Variants in PHC2 observed in about 807,000 individuals in gnomAD.
PHC2 encodes the protein polyhomeotic homolog 2.
PHC2 carries 29 observed loss-of-function variants against 87.4 expected under a neutral mutation model. The ratio of observed to expected loss-of-function variants is 0.33; its 90% confidence interval spans 0.25 to 0.45. The LOEUF (loss-of-function observed/expected upper bound fraction) is 0.45. Ranked by LOEUF, PHC2 falls within the 20% of genes least tolerant of loss-of-function variation. The pLI is 1.00. For synonymous variants in PHC2, 438 were observed against 461.7 expected, an observed-to-expected ratio of 0.95 and a Z score of 0.66; for missense variants, 857 against 1,136.7, an observed-to-expected ratio of 0.75 and a Z score of 3.54.
chr1:33,346,951 T>C, intron 9 of PHC2: 1 of 985,432 alleles, frequency 1.0e-6, no homozygotes, highest in Non-Finnish European at 1.2e-6. Context: ...GGACAGCCTA[T>C]GTAAGAGCAT....
intron 1 of PHC2, among the ~76,000 whole-genome samples, chr1:33,427,996 A>G (rs1264921889): frequency 6.6e-6 from 1 of 152,180 alleles, no homozygotes; most frequent in African/African-American, 2.4e-5. Flanking sequence ...TATGGCTTCA[A>G]TTATCACCAT....
chr1:33,402,457 A>G (rs1022435868), intron 1 of PHC2, among the ~76,000 whole-genome samples: 26 of 152,112 alleles, frequency 1.7e-4, no homozygotes, highest in African/African-American at 5.5e-4. Flanking sequence ...TCTTAGAAAA[A>G]CTCTTGCACA....
Position 33,377,648 on chromosome 1 carries a change from A to G in PHC2, c.-54-2055T>C, listed in dbSNP as rs143413204. Among the ~76,000 whole-genome samples the G allele has an allele frequency of 1.9e-3, 291 of 151,998 alleles. 1 individual carries two copies. Among genetic ancestry groups the G allele is most frequent in the African/African-American group, 6.7e-3 (279 of 41,470 alleles). ...AAAAATAATATTTGTTTGTCACCCC[A>G]TCACACACATTCAGTCATCTGCTTG... is the stretch of plus-strand genomic sequence containing the variant. On this transcript the variant is annotated intron_variant, in intron 1 of 14. Coordinates refer to ENST00000683057, the MANE Select transcript of PHC2 (RefSeq NM_001385109.1).
intron 7 of PHC2, among the ~76,000 whole-genome samples, chr1:33,357,698 G>A (rs1647117151): frequency 6.6e-6 from 1 of 152,162 alleles, no homozygotes. Flanking sequence ...TGAATAGGTC[G>A]GAATTTAACA....
intron 7 of PHC2, among the ~76,000 whole-genome samples, chr1:33,361,689 G>T (rs934512123): frequency 8.5e-5 from 13 of 152,240 alleles, no homozygotes; most frequent in Admixed American, 2.0e-4. Context: ...CTCTGAGGGA[G>T]ATAATTCTAG....
chr1:33,334,088 AC>A lies in PHC2; in HGVS notation c.1761+1del. On this transcript the variant is annotated splice_donor_variant, in intron 10 of 14. Transcript: ENST00000683057. LOFTEE classifies it high-confidence loss of function. The surrounding 1 kb of genome is among the most constrained non-coding windows in gnomAD (Gnocchi z 5.5). ...AAAAAGGGGAAAAGAAGTAGTCCGTACCGGGAAAGGCTCCGCCCCCTCCTGG... is the reference window on the plus strand; with the variant it reads ...AAAAAGGGGAAAAGAAGTAGTCCGTACGGGAAAGGCTCCGCCCCCTCCTGG... 6.3e-7 allele frequency: 1 copy of A among 1,599,746 alleles called. No homozygotes were observed. The highest frequency in any genetic ancestry group is 8.5e-7 in the Non-Finnish European group (1 of 1,175,192).
At chr1:33,355,902 G>C (rs1046477685) in intron 7 of PHC2, among the ~76,000 whole-genome samples, 4 of 152,154 alleles carry the variant, frequency 2.6e-5, no homozygotes, top group Non-Finnish European at 4.4e-5. Flanking sequence ...GTTGCTAAAA[G>C]GATGAAATGA....
Position 33,349,504 on chromosome 1 carries a change from G to A in PHC2, c.1558+4897C>T, listed in dbSNP as rs1646916026. On this transcript the variant is annotated intron_variant, in intron 9 of 14. Coordinates refer to ENST00000683057, the MANE Select transcript of PHC2 (RefSeq NM_001385109.1). This position sits in a 1 kb window ranked among gnomAD's most constrained non-coding sequence, Gnocchi z 4.2. ...GCAGCCGCGTAGGCCCGGGCCGTTA[G>A]GGGCACCGAGGGCGGTGCCCGACTT... is the stretch of plus-strand genomic sequence containing the variant. 1 of 984,932 alleles carries A rather than the reference G, an allele frequency of 1.0e-6. No individual in the cohort carries two copies. Among genetic ancestry groups the A allele is most frequent in the Non-Finnish European group, 1.2e-6 (1 of 829,714 alleles). 61.0% of individuals were successfully genotyped at this position (984,932 alleles called of 1,614,324 possible).
chr1:33,368,831 G>C lies in PHC2; in HGVS notation c.577-209C>G, dbSNP rs1647643287. ...AAGGGGGAGTCCAAGGGGAGCGCCTGCCTTTCTCTAGAGGCTCGTTGCATC... is the reference window on the plus strand; with the variant it reads ...AAGGGGGAGTCCAAGGGGAGCGCCTCCCTTTCTCTAGAGGCTCGTTGCATC... On this transcript the variant is annotated intron_variant, in intron 5 of 14. Coordinates refer to ENST00000683057, the MANE Select transcript of PHC2 (RefSeq NM_001385109.1). The surrounding 1 kb of genome is among the most constrained non-coding windows in gnomAD (Gnocchi z 6.6). Among the ~76,000 whole-genome samples the C allele has an allele frequency of 1.3e-5, 2 of 152,284 alleles. No individual in the cohort carries two copies. Among genetic ancestry groups the C allele is most frequent in the South Asian group, 4.1e-4 (2 of 4,828 alleles).
chr1:33,350,271 T>C (rs1029125024), intron 9 of PHC2: 1 of 151,956 alleles, frequency 6.6e-6, no homozygotes, highest in Non-Finnish European at 1.5e-5. Context: ...CCCCGACTTA[T>C]TGTTCACAAC....
At chr1:33,328,023 A>G (rs1023369899) in intron 14 of PHC2, among the ~76,000 whole-genome samples, 56 of 152,366 alleles carry the variant, frequency 3.7e-4, no homozygotes, top group African/African-American at 1.3e-3. Flanking sequence ...GTTCTGTGTG[A>G]CTCAGAAGTC....
rs1256787943 is a variant in PHC2 at position 33,379,728 on chromosome 1, C to T, written c.-54-4135G>A. ...TGGAATACGAGCACGTCCTCCCCCT[C>T]GCTCTTGCTCCCACTCTTGCCCTCT... On this transcript the variant is annotated intron_variant, in intron 1 of 14. Transcript: ENST00000683057. Among the ~76,000 whole-genome samples, 5 of 151,356 alleles carry T rather than the reference C, an allele frequency of 3.3e-5. No individual in the cohort carries two copies. The South Asian group carries it at 6.3e-4, about 19-fold the overall frequency.
intron 1 of PHC2, among the ~76,000 whole-genome samples, chr1:33,397,282 T>C (rs1382297023): frequency 6.6e-6 from 1 of 152,146 alleles, no homozygotes; most frequent in African/African-American, 2.4e-5. Context: ...TACCAGGTGC[T>C]TAGTCCCGGG....
At chr1:33,374,824 T>C (rs1209827774) in intron 2 of PHC2, among the ~76,000 whole-genome samples, 1 of 152,192 alleles carries the variant, frequency 6.6e-6, no homozygotes, top group Non-Finnish European at 1.5e-5. Context: ...TTGTGCCTAA[T>C]AATAACCAAA....
intron 9 of PHC2, chr1:33,347,723 G>A: frequency 1.0e-6 from 1 of 985,446 alleles, no homozygotes; most frequent in Non-Finnish European, 1.2e-6. Flanking sequence ...GCATGGACGA[G>A]CCTGGAAACA....
At chr1:33,401,558 T>C (rs897888522) in intron 1 of PHC2, among the ~76,000 whole-genome samples, 4 of 152,176 alleles carry the variant, frequency 2.6e-5, no homozygotes, top group Non-Finnish European at 4.4e-5. Context: ...ATTGGAAGCT[T>C]GAAACTGGTC....
rs1289923017 is a variant in PHC2, at chr1:33,370,637, G to A, written c.412-52C>T. 5.3e-6 allele frequency: 8 copies of A among 1,522,108 alleles called. No individual in the cohort carries two copies. The South Asian group carries it at 6.0e-5, about 11-fold the overall frequency. 94.3% of individuals were successfully genotyped at this position (1,522,108 alleles called of 1,614,324 possible). A position where few individuals can be genotyped will look rare whatever the true frequency, so the allele number is the denominator to read the frequency against. ...AGATAGGAGGTTCTGTTGGTGAGCTGTGTCCCCCTCATCCATTTCTTTCTC... is the reference window on the plus strand; with the variant it reads ...AGATAGGAGGTTCTGTTGGTGAGCTATGTCCCCCTCATCCATTTCTTTCTC... On this transcript the variant is annotated intron_variant, in intron 4 of 14. Coordinates refer to ENST00000683057, the MANE Select transcript of PHC2 (RefSeq NM_001385109.1).
intron 1 of PHC2, among the ~76,000 whole-genome samples, chr1:33,418,868 G>C (rs1316381642): frequency 6.6e-6 from 1 of 152,188 alleles, no homozygotes; most frequent in African/African-American, 2.4e-5. Flanking sequence ...TGGAGAAGAG[G>C]CTAGAAGATT....
At chr1:33,336,652 A>G (rs1374942345) in intron 9 of PHC2, 1 of 152,232 alleles carries the variant, frequency 6.6e-6, no homozygotes, top group Non-Finnish European at 1.5e-5. Context: ...TGGAGGTTCT[A>G]GCAGGGGAGG....
Sources: gnomAD v4.1 joint callset for allele counts (sites outside exome capture counted in the v4.1 genomes callset) on GRCh38, gnomAD v4.1.1 for gene constraint, Gnocchi (gnomAD v3.1) non-coding constraint, MANE v1.5 for transcripts, NCBI Gene and HGNC (gene_info 2026-07-23, HGNC 2026-07-21) for gene names.